Variants in CALN1 observed in about 807,000 individuals in gnomAD.
CALN1 encodes the protein calneuron 1, also known as calcium-binding protein 8.
A neutral mutation model predicts 30.6 loss-of-function variants in CALN1; 17 were observed. That is an observed-to-expected ratio of 0.56 (90% CI 0.38 to 0.83). CALN1 has a LOEUF of 0.83. Ranked by LOEUF, CALN1 falls within the 40% of genes least tolerant of loss-of-function variation. The pLI is 0.00. For missense variants in CALN1, 291 were observed against 354.9 expected (o/e 0.82, Z 1.45); for synonymous variants, 156 against 131.4 (o/e 1.19, Z -1.28).
intron 3 of CALN1, among the ~76,000 whole-genome samples, chr7:72,228,519 C>G (rs1420206710): frequency 6.6e-6 from 1 of 151,664 alleles, no homozygotes; most frequent in Non-Finnish European, 1.5e-5. Flanking sequence ...AACTATTCCT[C>G]AATAAAGTTA....
At chr7:72,067,486 A>G (rs190944698) in intron 4 of CALN1, among the ~76,000 whole-genome samples, 1 of 151,958 alleles carries the variant, frequency 6.6e-6, no homozygotes, top group African/African-American at 2.4e-5. Context: ...CTGGCCTCAA[A>G]TGATCCTCCT....
intron 3 of CALN1, among the ~76,000 whole-genome samples, chr7:72,182,391 G>T (rs1454967905): frequency 1.3e-5 from 2 of 152,158 alleles, no homozygotes; most frequent in South Asian, 2.1e-4. Flanking sequence ...AAATCTGTAG[G>T]AAGGGAAATA....
intron 4 of CALN1, among the ~76,000 whole-genome samples, chr7:72,099,958 C>A (rs576020946): frequency 6.6e-6 from 1 of 152,120 alleles, no homozygotes; most frequent in South Asian, 2.1e-4. Context: ...AAACCGCATA[C>A]CAGATGCCTG....
At chr7:72,393,506 C>T (rs972852465) in intron 2 of CALN1, among the ~76,000 whole-genome samples, 1 of 152,086 alleles carries the variant, frequency 6.6e-6, no homozygotes. Flanking sequence ...TACACCATAA[C>T]ATATGAAGTA....
intron 5 of CALN1, among the ~76,000 whole-genome samples, chr7:71,965,191 C>G (rs977659555): frequency 2.6e-5 from 4 of 152,030 alleles, no homozygotes; most frequent in African/African-American, 9.7e-5. Flanking sequence ...CCCCACCCAG[C>G]TAAACTTTTT....
intron 2 of CALN1, among the ~76,000 whole-genome samples, chr7:72,304,843 T>G (rs1033061351): frequency 6.6e-6 from 1 of 152,208 alleles, no homozygotes; most frequent in Non-Finnish European, 1.5e-5. Context: ...AACTTACTGT[T>G]GTTGTATATT....
Position 71,786,251 on chromosome 7 carries a change from C to G in CALN1, c.*1524G>C, listed in dbSNP as rs1323297484. 1 of 152,164 alleles carries G rather than the reference C, an allele frequency of 6.6e-6. No individual in the cohort carries two copies. Among genetic ancestry groups the G allele is most frequent in the African/African-American group, 2.4e-5 (1 of 41,422 alleles). 9.4% of individuals were successfully genotyped at this position (152,164 alleles called of 1,614,324 possible). On this transcript the variant is annotated 3_prime_UTR_variant, in exon 7 of 7. Transcript: ENST00000395275. The stretch of plus-strand genomic sequence containing the variant: ...CAAGAAAGCTTCTGGTGGCTCGCTA[C>G]TGGAAGGGGGGAAGCATGTAGTTTT...
At chr7:72,203,811 C>A (rs983244235) in intron 3 of CALN1, among the ~76,000 whole-genome samples, 2 of 151,902 alleles carry the variant, frequency 1.3e-5, no homozygotes, top group Non-Finnish European at 2.9e-5. Context: ...TGTTTAATAA[C>A]ATTTTTTTTT....
chr7:72,402,580 A>G (rs1049974646), intron 2 of CALN1, among the ~76,000 whole-genome samples: 1 of 152,208 alleles, frequency 6.6e-6, no homozygotes, highest in African/African-American at 2.4e-5. Flanking sequence ...AACCACACCC[A>G]GAGTTGAAAT....
intron 5 of CALN1, among the ~76,000 whole-genome samples, chr7:71,985,131 G>A (rs946614629): frequency 6.7e-6 from 1 of 150,230 alleles, no homozygotes; most frequent in Non-Finnish European, 1.5e-5. Flanking sequence ...TGGCAAAGAC[G>A]ATGAACAGGC....
chr7:71,847,828 G>GGAGAAA (rs1562835888), intron 5 of CALN1, among the ~76,000 whole-genome samples: 1 of 102,522 alleles, frequency 9.8e-6, no homozygotes, highest in Non-Finnish European at 1.8e-5. Context: ...AGAAGGAGAA[G>GGAGAAA]GAGAAGGAGA....
chr7:72,377,285 CT>C (rs1002896018), intron 2 of CALN1, among the ~76,000 whole-genome samples: 1 of 152,042 alleles, frequency 6.6e-6, no homozygotes, highest in South Asian at 2.1e-4. Flanking sequence ...TTGTCTTTAG[CT>C]TTTTTTTAGA....
intron 2 of CALN1, among the ~76,000 whole-genome samples, chr7:72,351,012 G>A (rs1244634245): frequency 1.3e-5 from 2 of 151,988 alleles, no homozygotes; most frequent in Non-Finnish European, 2.9e-5. Flanking sequence ...GTGGTGGCAG[G>A]CACCTATAAA....
intron 2 of CALN1, among the ~76,000 whole-genome samples, chr7:72,387,966 G>C (rs1914393): frequency 0.2 from 29,917 of 152,102 alleles, 3,840 homozygotes; most frequent in East Asian, 0.35. Context: ...CTATTGCACA[G>C]TAAAGTGACT....
intron 5 of CALN1, among the ~76,000 whole-genome samples, chr7:71,901,433 A>C (rs1793843823): frequency 6.6e-6 from 1 of 151,912 alleles, no homozygotes; most frequent in Non-Finnish European, 1.5e-5. Flanking sequence ...AACCAAAAAA[A>C]AAAAAAAAAT....
the CALN1 span, among the ~76,000 whole-genome samples, chr7:72,459,345 C>T: frequency 2.0e-5 from 3 of 152,148 alleles, no homozygotes; most frequent in African/African-American, 7.2e-5. Flanking sequence ...GACAGTCTGT[C>T]CAATAAGTAA....
At chr7:71,901,447 G>T (rs1259288865) in intron 5 of CALN1, among the ~76,000 whole-genome samples, 3 of 146,110 alleles carry the variant, frequency 2.1e-5, no homozygotes. Flanking sequence ...AAAAAATAGA[G>T]CCAGAATAGC....
chr7:72,187,096 TAA>T (rs1184709950), intron 3 of CALN1, among the ~76,000 whole-genome samples: 1 of 152,034 alleles, frequency 6.6e-6, no homozygotes, highest in African/African-American at 2.4e-5. Flanking sequence ...TTTAGCCAGT[TAA>T]AAGTTGCAAG....
intron 5 of CALN1, among the ~76,000 whole-genome samples, chr7:71,830,338 C>T (rs535491998): frequency 6.0e-5 from 9 of 150,702 alleles, no homozygotes; most frequent in South Asian, 4.2e-4. Context: ...CCACCGTGTC[C>T]GGCCATCAGT....
Sources: gnomAD v4.1 joint callset for allele counts (sites outside exome capture counted in the v4.1 genomes callset) on GRCh38, gnomAD v4.1.1 for gene constraint, MANE v1.5 for transcripts, NCBI Gene and HGNC (gene_info 2026-07-23, HGNC 2026-07-21) for gene names.